TMEM244: variants seen among roughly 807,000 people sequenced by gnomAD.
TMEM244 encodes the protein putative transmembrane protein 244.
A neutral mutation model predicts 15.8 loss-of-function variants in TMEM244; 13 were observed. The observed-to-expected ratio is 0.82, with a 90% confidence interval of 0.53 to 1.30. The LOEUF (loss-of-function observed/expected upper bound fraction) is 1.30, where lower values mean the gene tolerates loss of function less well. Among genes scored for constraint, TMEM244 ranks in the 50% most tolerant of loss-of-function variants. The pLI is 0.00. For missense variants in TMEM244, 161 were observed against 144.9 expected (o/e 1.11, Z -0.57); for synonymous variants, 45 against 48.7 (o/e 0.92, Z 0.32).
intron 2 of TMEM244, among the ~76,000 whole-genome samples, chr6:129,844,912 A>G (rs1776541980): frequency 6.6e-6 from 1 of 152,212 alleles, no homozygotes; most frequent in Non-Finnish European, 1.5e-5. Context: ...TGCACAATAA[A>G]ATTAAATTGT....
chr6:129,843,235 A>G (rs1462658404), intron 3 of TMEM244, among the ~76,000 whole-genome samples: 1 of 152,120 alleles, frequency 6.6e-6, no homozygotes, highest in Non-Finnish European at 1.5e-5. Flanking sequence ...TTAAGTCATT[A>G]TTCTTCCTTT....
intron 3 of TMEM244, among the ~76,000 whole-genome samples, chr6:129,842,313 C>T: frequency 6.6e-6 from 1 of 152,142 alleles, no homozygotes. Context: ...ATAGTGTTGG[C>T]AAAAACTAGG....
At chr6:129,856,796 T>A (rs1479884119) in intron 1 of TMEM244, among the ~76,000 whole-genome samples, 1 of 152,062 alleles carries the variant, frequency 6.6e-6, no homozygotes, top group African/African-American at 2.4e-5. Context: ...TTGTTATTTT[T>A]ATTGAGATTA....
intron 3 of TMEM244, among the ~76,000 whole-genome samples, chr6:129,839,682 A>G (rs1422961855): frequency 2.0e-5 from 3 of 152,186 alleles, no homozygotes; most frequent in Non-Finnish European, 4.4e-5. Context: ...AGAAAACCCC[A>G]TTGTCTCAGC....
At chr6:129,856,610 T>G (rs1364716996) in intron 1 of TMEM244, among the ~76,000 whole-genome samples, 1 of 152,160 alleles carries the variant, frequency 6.6e-6, no homozygotes, top group African/African-American at 2.4e-5. Flanking sequence ...TATAAACTTG[T>G]AAATATTAAA....
At chr6:129,848,570 G>A (rs148045788) in intron 1 of TMEM244, among the ~76,000 whole-genome samples, 190 of 151,806 alleles carry the variant, frequency 1.3e-3, no homozygotes, top group African/African-American at 4.2e-3. Context: ...TCATTTTGTA[G>A]AGAAGAGTCT....
At chr6:129,856,709 C>T (rs1776718243) in intron 1 of TMEM244, among the ~76,000 whole-genome samples, 1 of 151,876 alleles carries the variant, frequency 6.6e-6, no homozygotes, top group African/African-American at 2.4e-5. Context: ...TTTTTCTTTT[C>T]TTTAAGGTTC....
chr6:129,831,684 T>G (rs1173953521), intron 4 of TMEM244, among the ~76,000 whole-genome samples: 1 of 152,216 alleles, frequency 6.6e-6, no homozygotes, highest in Non-Finnish European at 1.5e-5. Context: ...AATGCCTAGT[T>G]CCCTCAGGAA....
intron 3 of TMEM244, among the ~76,000 whole-genome samples, chr6:129,843,123 A>G (rs1776514015): frequency 6.6e-6 from 1 of 152,066 alleles, no homozygotes; most frequent in South Asian, 2.1e-4. Context: ...GACACCATGT[A>G]TTTTATTTTA....
chr6:129,841,545 T>A (rs1388514230), intron 3 of TMEM244, among the ~76,000 whole-genome samples: 1 of 152,112 alleles, frequency 6.6e-6, no homozygotes, highest in East Asian at 1.9e-4. Context: ...ATTGTGCCCA[T>A]GTACCCTAGA....
At chr6:129,857,843 CATAT>C (rs1312217929) in intron 1 of TMEM244, among the ~76,000 whole-genome samples, 1 of 147,874 alleles carries the variant, frequency 6.8e-6, no homozygotes, top group African/African-American at 2.5e-5. Context: ...TATATATGTA[CATAT>C]ATATGTATAT....
chr6:129,836,199 G>A (rs1776404339), intron 3 of TMEM244, among the ~76,000 whole-genome samples: 2 of 152,134 alleles, frequency 1.3e-5, no homozygotes, highest in Admixed American at 6.5e-5. Context: ...TGCCCCTCTG[G>A]GACGAAGCTT....
intron 3 of TMEM244, among the ~76,000 whole-genome samples, chr6:129,839,197 G>A (rs962440576): frequency 4.6e-5 from 7 of 152,190 alleles, no homozygotes; most frequent in Non-Finnish European, 8.8e-5. Flanking sequence ...CTGTCAAACC[G>A]AATCCAGCAG....
chr6:129,846,095 A>T (rs1190966582), intron 1 of TMEM244, among the ~76,000 whole-genome samples: 1 of 152,204 alleles, frequency 6.6e-6, no homozygotes, highest in East Asian at 1.9e-4. Flanking sequence ...TATTGAAATC[A>T]ATTAGTTTTT....
chr6:129,837,828 C>T (rs1238388280), intron 3 of TMEM244, among the ~76,000 whole-genome samples: 1 of 152,072 alleles, frequency 6.6e-6, no homozygotes, highest in Non-Finnish European at 1.5e-5. Context: ...ACAAAGAAGG[C>T]CACTACATAA....
At chr6:129,835,012 T>C (rs1232820496) in intron 3 of TMEM244, among the ~76,000 whole-genome samples, 1 of 152,192 alleles carries the variant, frequency 6.6e-6, no homozygotes, top group East Asian at 1.9e-4. Flanking sequence ...GCTTTGTTCA[T>C]GATAGGAAAG....
intron 3 of TMEM244, among the ~76,000 whole-genome samples, chr6:129,842,447 T>C (rs142550624): frequency 0.015 from 2,294 of 152,290 alleles, 21 homozygotes; most frequent in Non-Finnish European, 0.022. Flanking sequence ...AACAAGGCTG[T>C]ACTAAAGCTT....
intron 1 of TMEM244, among the ~76,000 whole-genome samples, chr6:129,846,411 C>A (rs9483067): frequency 0.074 from 11,203 of 152,082 alleles, 482 homozygotes; most frequent in Non-Finnish European, 0.091. Flanking sequence ...ATTTGTGAGA[C>A]AATATATTTG....
intron 3 of TMEM244, among the ~76,000 whole-genome samples, chr6:129,843,159 A>G (rs1432436726): frequency 2.0e-5 from 3 of 152,132 alleles, no homozygotes; most frequent in African/African-American, 7.2e-5. Context: ...ATTGTATTAT[A>G]TGAACTCTTT....
Sources: allele counts gnomAD v4.1 joint callset (sites outside exome capture counted in the v4.1 genomes callset), GRCh38; gene constraint gnomAD v4.1.1; transcripts MANE v1.5; gene names NCBI Gene and HGNC (gene_info 2026-07-23, HGNC 2026-07-21).